CEP85L: variants seen among roughly 807,000 people sequenced by gnomAD.
CEP85L encodes the protein centrosomal protein of 85 kDa-like.
A neutral mutation model predicts 100.3 loss-of-function variants in CEP85L; 60 were observed. That is an observed-to-expected ratio of 0.60 (90% CI 0.49 to 0.74). The LOEUF is 0.74. CEP85L is among the 30% of genes least tolerant of loss of function. The probability of loss-of-function intolerance (pLI) is 0.00; values close to 1 mark genes in which losing one functional copy is unlikely to be tolerated. For missense variants in CEP85L, 973 were observed against 936.2 expected (o/e 1.04, Z -0.51); for synonymous variants, 319 against 322.7 (o/e 0.99, Z 0.12).
At chr6:118,556,697 T>C (rs966903496) in intron 3 of CEP85L, among the ~76,000 whole-genome samples, 27 of 152,338 alleles carry the variant, frequency 1.8e-4, no homozygotes, top group Admixed American at 6.5e-5. Context: ...TAGTAATATG[T>C]TGATTAACAA....
At chr6:118,595,113 C>T (rs1321670164) in intron 2 of CEP85L, among the ~76,000 whole-genome samples, 2 of 152,136 alleles carry the variant, frequency 1.3e-5, no homozygotes, top group Non-Finnish European at 2.9e-5. Context: ...CTATGTACAA[C>T]AAGTGCTGCA....
intron 10 of CEP85L, among the ~76,000 whole-genome samples, chr6:118,472,499 C>T (rs1198710292): frequency 6.6e-6 from 1 of 152,058 alleles, no homozygotes; most frequent in African/African-American, 2.4e-5. Context: ...TAACATTTCA[C>T]CTAAAACATT....
At chr6:118,576,908 C>T (rs73526192) in intron 2 of CEP85L, among the ~76,000 whole-genome samples, 2 of 152,158 alleles carry the variant, frequency 1.3e-5, no homozygotes, top group African/African-American at 2.4e-5. Flanking sequence ...TAAACAAAAG[C>T]GATTGTTACG....
At chr6:118,513,168 CA>C (rs1206822239) in intron 4 of CEP85L, among the ~76,000 whole-genome samples, 7 of 151,624 alleles carry the variant, frequency 4.6e-5, no homozygotes, top group Admixed American at 6.6e-5. Flanking sequence ...AGAAATAAAA[CA>C]AAAAAGCTCA....
intron 2 of CEP85L, among the ~76,000 whole-genome samples, chr6:118,580,727 C>T (rs546897251): frequency 3.0e-4 from 46 of 152,372 alleles, no homozygotes; most frequent in African/African-American, 1.1e-3. Flanking sequence ...ACCCAGCCTC[C>T]AACAGCCCAT....
In CEP85L at chr6:118,473,553, ATT is replaced by A. The variant is rs576670803; in HGVS notation, c.1915-2911_1915-2910del. 2.7e-5 allele frequency among the ~76,000 whole-genome samples: 4 copies of A among 149,026 alleles called. No individual in the cohort carries two copies. The South Asian group carries it at 8.6e-4, about 32-fold the overall frequency. On this transcript the variant is annotated intron_variant, in intron 10 of 12. Transcript: ENST00000368491. ...CTCAGAAATCAGTATAAGAACTTTG[ATT>A]TTTATTCTGGAAAAAAAAAATGAGG...
rs1476304215 is a variant in CEP85L at position 118,483,767 on chromosome 6, G to A, written c.1529C>T (p.Thr510Ile). 3 of 1,613,632 alleles carry A rather than the reference G, an allele frequency of 1.9e-6. No homozygotes were observed. The Admixed American group carries it at 5.0e-5, about 27-fold the overall frequency. The change falls in exon 7 of 13, where the codon ACC (threonine) becomes ATC (isoleucine). Residue 510 changes from threonine (T) to isoleucine (I), a missense_variant. Thr to Ile is a moderately conservative substitution (Grantham distance 89, BLOSUM62 -1). Coordinates refer to ENST00000368491, the MANE Select transcript of CEP85L (RefSeq NM_001042475.3). ...AAGATCAGCCAGATACTTTTCCAAG[G>A]TCTCAATTCTTCTCTGCTTTTCTTT... ...QNKEKQRRIE[T>I]LEKYLADLPT... is the part of the protein sequence containing the mutation.
chr6:118,547,812 A>G (rs1279375398), intron 3 of CEP85L, among the ~76,000 whole-genome samples: 2 of 152,116 alleles, frequency 1.3e-5, no homozygotes, highest in Non-Finnish European at 2.9e-5. Context: ...CAAGAACAAA[A>G]TAAGAAAACA....
chr6:118,500,625 T>G (rs1193908579), intron 5 of CEP85L, among the ~76,000 whole-genome samples: 1 of 152,176 alleles, frequency 6.6e-6, no homozygotes, highest in Non-Finnish European at 1.5e-5. Flanking sequence ...CCCCGACCCC[T>G]TCTTCCAATT....
chr6:118,534,436 T>C (rs1287500562), intron 3 of CEP85L, among the ~76,000 whole-genome samples: 1 of 152,008 alleles, frequency 6.6e-6, no homozygotes, highest in Non-Finnish European at 1.5e-5. Context: ...GCGGATCATC[T>C]GAGGTAAGGA....
intron 3 of CEP85L, among the ~76,000 whole-genome samples, chr6:118,529,423 C>T (rs1306428805): frequency 6.6e-6 from 1 of 151,750 alleles, no homozygotes; most frequent in Non-Finnish European, 1.5e-5. Flanking sequence ...CTGGCTAACA[C>T]TGTGAAACCC....
chr6:118,556,868 T>C (rs894797918), intron 3 of CEP85L, among the ~76,000 whole-genome samples: 5 of 152,346 alleles, frequency 3.3e-5, no homozygotes, highest in Non-Finnish European at 7.4e-5. Context: ...GGACAGTTAA[T>C]ACAGTTAATT....
rs57181233 is a variant in CEP85L at position 118,567,249 on chromosome 6, GTATATATATATATA to G, written c.233-947_233-934del. ...TGTGTGTGTGTGTGTGTGTGTGTGT[GTATATATATATATA>G]TATATATATATATATATATATATAT... On this transcript the variant is annotated intron_variant, in intron 2 of 12. Coordinates refer to ENST00000368491, the MANE Select transcript of CEP85L (RefSeq NM_001042475.3). Among the ~76,000 whole-genome samples, 65 of 43,760 alleles carry G rather than the reference GTATATATATATATA, an allele frequency of 1.5e-3. 1 individual carries two copies. Among genetic ancestry groups the G allele is most frequent in the African/African-American group, 5.5e-3 (62 of 11,354 alleles). The allele number at this position is 43,760 out of a possible 152,430, so 28.7% of individuals were successfully genotyped here. A position where few individuals can be genotyped will look rare whatever the true frequency, so the allele number is the denominator to read the frequency against.
chr6:118,486,253 G>A (rs1420844387), intron 6 of CEP85L, among the ~76,000 whole-genome samples: 3 of 152,014 alleles, frequency 2.0e-5, no homozygotes, highest in Admixed American at 2.0e-4. Context: ...ACTGAAGTCT[G>A]AACTGCATTA....
chr6:118,469,887 G>A (rs2114423347), intron 11 of CEP85L, among the ~76,000 whole-genome samples: 1 of 152,232 alleles, frequency 6.6e-6, no homozygotes, highest in Middle Eastern at 3.4e-3. Context: ...GATTACAGGT[G>A]TGAGCCACCA....
At chr6:118,631,246 C>CT (rs1318007635) in intron 2 of CEP85L, among the ~76,000 whole-genome samples, 1 of 152,114 alleles carries the variant, frequency 6.6e-6, no homozygotes, top group African/African-American at 2.4e-5. Context: ...AAAATACAGT[C>CT]TATTTTTTAA....
rs534361358 is a variant in CEP85L, at chr6:118,566,579, G to A, written c.233-263C>T. Among the ~76,000 whole-genome samples, 338 of 152,090 alleles carry A rather than the reference G, an allele frequency of 2.2e-3. 2 individuals carry two copies. Among genetic ancestry groups the A allele is most frequent in the African/African-American group, 7.6e-3 (314 of 41,484 alleles). On this transcript the variant is annotated intron_variant, in intron 2 of 12. Transcript: ENST00000368491. ...ATTCCAGGCGCCTGCCAGCACGCCC[G>A]ACTAATTTTTTGTATTTTTAGTAGA...
chr6:118,587,567 T>G (rs1214032690), intron 2 of CEP85L, among the ~76,000 whole-genome samples: 4 of 152,076 alleles, frequency 2.6e-5, no homozygotes, highest in Non-Finnish European at 4.4e-5. Context: ...AGTAACCAAC[T>G]TGACTATAAT....
At chr6:118,627,329 C>G (rs1270601913) in intron 2 of CEP85L, among the ~76,000 whole-genome samples, 1 of 151,794 alleles carries the variant, frequency 6.6e-6, no homozygotes, top group Non-Finnish European at 1.5e-5. Flanking sequence ...GTCAACATTA[C>G]AGTGATTAAG....
Sources: gnomAD v4.1 joint callset for allele counts (sites outside exome capture counted in the v4.1 genomes callset) on GRCh38, gnomAD v4.1.1 for gene constraint, MANE v1.5 for transcripts, NCBI Gene and HGNC (gene_info 2026-07-23, HGNC 2026-07-21) for gene names.